COXFA4: variants seen among roughly 807,000 people sequenced by gnomAD.
COXFA4 encodes the protein cytochrome c oxidase subunit FA4.
the COXFA4 span, chr7:10,932,241 T>C: frequency 6.6e-6 from 1 of 152,180 alleles, no homozygotes; most frequent in Non-Finnish European, 1.5e-5. Context: ...TAAACCAAAC[T>C]GTCTTTCAGA....
chr7:10,932,934 C>A, the COXFA4 span: 1 of 150,466 alleles, frequency 6.6e-6, no homozygotes, highest in Non-Finnish European at 1.5e-5. Flanking sequence ...TGTACCACTG[C>A]ACTCCAGCCT....
chr7:10,936,767 T>C, the COXFA4 span, among the ~76,000 whole-genome samples: 2 of 152,166 alleles, frequency 1.3e-5, no homozygotes, highest in African/African-American at 4.8e-5. Context: ...GCGGGCACAG[T>C]GGCTCACGTC....
At chr7:10,938,833 G>C in the COXFA4 span, 2 of 1,613,682 alleles carry the variant, frequency 1.2e-6, no homozygotes, top group Non-Finnish European at 1.7e-6. Flanking sequence ...AACAATGCCA[G>C]ACGCAAGAGA....
chr7:10,933,925 T>C, the COXFA4 span, among the ~76,000 whole-genome samples: 1 of 152,148 alleles, frequency 6.6e-6, no homozygotes, highest in East Asian at 1.9e-4. Context: ...AGAGCAGTAT[T>C]ATAGTACAGT....
chr7:10,934,475 T>C, the COXFA4 span, among the ~76,000 whole-genome samples: 1 of 151,934 alleles, frequency 6.6e-6, no homozygotes, highest in Non-Finnish European at 1.5e-5. Flanking sequence ...TTAATGCTTG[T>C]ACACAAGCCC....
chr7:10,933,702 GA>G, the COXFA4 span: 3 of 1,597,216 alleles, frequency 1.9e-6, no homozygotes, highest in African/African-American at 1.3e-5. Context: ...ACTTGGAACA[GA>G]AAAAAAGATA....
At chr7:10,938,827 A>G in the COXFA4 span, 1 of 1,613,712 alleles carries the variant, frequency 6.2e-7, no homozygotes, top group Non-Finnish European at 8.5e-7. Context: ...GGATTGAACA[A>G]TGCCAGACGC....
At chr7:10,937,544 A>G in the COXFA4 span, among the ~76,000 whole-genome samples, 1 of 152,052 alleles carries the variant, frequency 6.6e-6, no homozygotes, top group Non-Finnish European at 1.5e-5. Context: ...CAGCCTCCCA[A>G]AGTGCTGGGA....
At chr7:10,936,667 T>C in the COXFA4 span, among the ~76,000 whole-genome samples, 1 of 152,158 alleles carries the variant, frequency 6.6e-6, no homozygotes, top group African/African-American at 2.4e-5. Flanking sequence ...GTAAGGAGAT[T>C]TACTGAAGGA....
the COXFA4 span, chr7:10,937,834 C>T: frequency 4.2e-6 from 2 of 478,982 alleles, no homozygotes; most frequent in Admixed American, 3.4e-5. Flanking sequence ...CTGTGTTAGA[C>T]TACCTAAGAA....
chr7:10,939,210 T>C, the COXFA4 span: 95 of 279,908 alleles, frequency 3.4e-4, no homozygotes, highest in Non-Finnish European at 7.0e-5. Flanking sequence ...ACCTCTCTAA[T>C]ATTTACATGT....
the COXFA4 span, chr7:10,939,442 G>C: frequency 5.7e-6 from 1 of 175,096 alleles, no homozygotes; most frequent in Non-Finnish European, 1.2e-5. Context: ...ATTAAAGATT[G>C]CATAGACTTT....
chr7:10,938,330 A>C, the COXFA4 span: 1 of 580,172 alleles, frequency 1.7e-6, no homozygotes, highest in Non-Finnish European at 3.0e-6. Context: ...TCAATTAGAA[A>C]AAAGGTAGAA....
At chr7:10,933,885 G>A in the COXFA4 span, among the ~76,000 whole-genome samples, 1 of 152,010 alleles carries the variant, frequency 6.6e-6, no homozygotes, top group Non-Finnish European at 1.5e-5. Flanking sequence ...GATAGTTTTG[G>A]CAAGGTAAAA....
chr7:10,934,211 C>G, the COXFA4 span, among the ~76,000 whole-genome samples: 1 of 152,010 alleles, frequency 6.6e-6, no homozygotes, highest in African/African-American at 2.4e-5. Context: ...GATATTTTCT[C>G]TCTCTCACTA....
the COXFA4 span, chr7:10,933,791 T>C: frequency 2.6e-5 from 21 of 800,158 alleles, no homozygotes; most frequent in South Asian, 2.9e-4. Flanking sequence ...CAGTAACAAT[T>C]ACAGATATGA....
the COXFA4 span, chr7:10,933,690 G>C: frequency 8.1e-6 from 13 of 1,606,256 alleles, no homozygotes; most frequent in Non-Finnish European, 1.1e-5. Context: ...TCACTGAGTA[G>C]AACTTGGAAC....
chr7:10,939,907 G>A, the COXFA4 span: 16 of 1,269,734 alleles, frequency 1.3e-5, no homozygotes, highest in Non-Finnish European at 6.9e-6. Flanking sequence ...GGTCTGGTCT[G>A]ACGGACGGTA....
At chr7:10,932,772 C>T in the COXFA4 span, 1 of 152,180 alleles carries the variant, frequency 6.6e-6, no homozygotes, top group South Asian at 2.1e-4. Context: ...GAGTTTGAGA[C>T]CAGCCTGGGC....
Sources: allele counts gnomAD v4.1 joint callset (sites outside exome capture counted in the v4.1 genomes callset), GRCh38; gene constraint gnomAD v4.1.1; transcripts MANE v1.5; gene names NCBI Gene and HGNC (gene_info 2026-07-23, HGNC 2026-07-21).